SLAMF6: variants seen among roughly 807,000 people sequenced by gnomAD.
The protein encoded by SLAMF6 is SLAM family member 6.
A neutral mutation model predicts 38.3 loss-of-function variants in SLAMF6; 21 were observed. The observed-to-expected ratio is 0.55, with a 90% confidence interval of 0.39 to 0.79. The LOEUF (loss-of-function observed/expected upper bound fraction) is 0.79, where lower values mean the gene tolerates loss of function less well. SLAMF6 is among the 30% of genes least tolerant of loss of function. SLAMF6 has a pLI of 0.00. For synonymous variants in SLAMF6, 152 were observed against 146.3 expected (o/e 1.04, Z -0.28); for missense variants, 341 against 385.3 (o/e 0.89, Z 0.96).
chr1:160,491,615 G>A (rs545112534), intron 2 of SLAMF6, among the ~76,000 whole-genome samples: 56 of 152,312 alleles, frequency 3.7e-4, no homozygotes, highest in African/African-American at 1.3e-3. Context: ...AGCAGAAGAA[G>A]TGGGAAGGGA....
chr1:160,508,502 T>A (rs12023225), intron 1 of SLAMF6, among the ~76,000 whole-genome samples: 3,907 of 152,124 alleles, frequency 0.026, 103 homozygotes, highest in East Asian at 0.11. Context: ...TTATACAGAA[T>A]TTAATTCAAG....
intron 1 of SLAMF6, among the ~76,000 whole-genome samples, chr1:160,506,237 T>A (rs1654182978): frequency 6.6e-6 from 1 of 150,802 alleles, no homozygotes; most frequent in Non-Finnish European, 1.5e-5. Context: ...ACCAGAAAAA[T>A]GAAAACAAGG....
chr1:160,490,830 G>T, intron 3 of SLAMF6, 145 bp from the exon 4 acceptor site: 1 of 1,290,930 alleles, frequency 7.7e-7, no homozygotes, highest in Non-Finnish European at 1.0e-6. Context: ...GGAGTCCTAT[G>T]TGGCAGGCAG....
Position 160,485,145 on chromosome 1 carries a change from G to A in SLAMF6, c.*1562C>T, listed in dbSNP as rs1351237406. 1 of 152,046 alleles carries A rather than the reference G, an allele frequency of 6.6e-6. No individual in the cohort carries two copies. The highest frequency in any genetic ancestry group is 1.9e-4 in the East Asian group (1 of 5,194). 9.4% of individuals were successfully genotyped at this position (152,046 alleles called of 1,614,324 possible). On this transcript the variant is annotated 3_prime_UTR_variant, in exon 8 of 8. Transcript: ENST00000368057. Reference sequence around the variant, plus strand: ...GGCTCACTGGAACCTCCACCTCCTGGGTTCAAGCGATTCTCCTGCCTCAGT... The same window carrying A: ...GGCTCACTGGAACCTCCACCTCCTGAGTTCAAGCGATTCTCCTGCCTCAGT...
At chr1:160,500,088 G>A (rs983628726) in intron 1 of SLAMF6, among the ~76,000 whole-genome samples, 5 of 152,194 alleles carry the variant, frequency 3.3e-5, no homozygotes, top group Admixed American at 1.3e-4. Flanking sequence ...GTGAATAGGA[G>A]GGAGTATAAA....
At chr1:160,519,791 G>C (rs986713659) in intron 1 of SLAMF6, among the ~76,000 whole-genome samples, 4 of 151,922 alleles carry the variant, frequency 2.6e-5, no homozygotes, top group African/African-American at 9.7e-5. Flanking sequence ...AGGGGCTGGG[G>C]GGGAGGGGAG....
In SLAMF6 at chr1:160,489,163, G is replaced by A. The variant is rs377669636; in HGVS notation, c.804C>T (p.Ser268=). ...CTGAAACATACTCTAGGTTCCTTGC[G>A]GACTCTGCTGTTAACATAGGAAGGC... is the stretch of plus-strand genomic sequence containing the variant. ...STQRTQGPAE[S]ARNLEYVSVS... is the part of the protein sequence containing the mutation. Residue 268 remains serine, a synonymous_variant, in exon 6 of 8, where the codon TCC becomes TCT. Coordinates refer to ENST00000368057, the MANE Select transcript of SLAMF6 (RefSeq NM_001184714.2). 3.4e-5 allele frequency: 55 copies of A among 1,613,672 alleles called. No individual in the cohort carries two copies. In the East Asian group the frequency reaches 8.9e-4, roughly 26 times the overall value.
At chr1:160,519,830 G>C (rs1654907618) in intron 1 of SLAMF6, among the ~76,000 whole-genome samples, 1 of 152,076 alleles carries the variant, frequency 6.6e-6, no homozygotes, top group Non-Finnish European at 1.5e-5. Context: ...AGTGGGTACA[G>C]GGTTTCCTTT....
At chr1:160,520,729 A>G (rs1654947562) in intron 1 of SLAMF6, among the ~76,000 whole-genome samples, 1 of 152,188 alleles carries the variant, frequency 6.6e-6, no homozygotes, top group Non-Finnish European at 1.5e-5. Flanking sequence ...AATTTTCTAA[A>G]AGGAGTCAGG....
intron 1 of SLAMF6, among the ~76,000 whole-genome samples, chr1:160,510,929 T>C (rs752499782): frequency 3.9e-5 from 6 of 152,150 alleles, no homozygotes; most frequent in Non-Finnish European, 7.4e-5. Context: ...GTTCTGTTCC[T>C]ACACACTAGC....
intron 1 of SLAMF6, among the ~76,000 whole-genome samples, chr1:160,504,593 TA>T (rs1654083954): frequency 6.6e-6 from 1 of 152,184 alleles, no homozygotes; most frequent in South Asian, 2.1e-4. Flanking sequence ...GGATGCTCCC[TA>T]AAAAACTGAG....
In SLAMF6 at chr1:160,489,189, A is replaced by T; in HGVS notation, c.797-19T>A. The T allele has an allele frequency of 1.2e-6, 2 of 1,613,648 alleles. No individual in the cohort carries two copies. The highest frequency in any genetic ancestry group is 1.7e-6 in the Non-Finnish European group (2 of 1,179,646). On this transcript the variant is annotated intron_variant, in intron 5 of 7. Coordinates refer to ENST00000368057, the MANE Select transcript of SLAMF6 (RefSeq NM_001184714.2). ...GACTCTGCTGTTAACATAGGAAGGC[A>T]CAGTCAATGGCACAAGGACTCTGGG...
chr1:160,486,773 G>C lies in SLAMF6; in HGVS notation c.952-19C>G. On this transcript the variant is annotated intron_variant, in intron 7 of 7. Transcript: ENST00000368057. ...GTTTACTCTGTGGGAAAAAGAGGAA[G>C]ATGAGGTAGGTTAATTGGAACTGGA... The C allele has an allele frequency of 6.2e-7, 1 of 1,613,790 alleles. No homozygotes were observed. Among genetic ancestry groups the C allele is most frequent in the Non-Finnish European group, 8.5e-7 (1 of 1,179,824 alleles).
chr1:160,496,547 A>C (rs1653591998), intron 1 of SLAMF6, among the ~76,000 whole-genome samples, 154 bp from the exon 2 acceptor site: 1 of 152,144 alleles, frequency 6.6e-6, no homozygotes. Flanking sequence ...GATGTTTCTA[A>C]ATGAATAATC....
chr1:160,504,878 A>C (rs1654101438), intron 1 of SLAMF6, among the ~76,000 whole-genome samples: 1 of 152,204 alleles, frequency 6.6e-6, no homozygotes, highest in Non-Finnish European at 1.5e-5. Context: ...GCATACTTAG[A>C]AAAGTTCTGA....
intron 1 of SLAMF6, among the ~76,000 whole-genome samples, chr1:160,515,157 A>T (rs1241911776): frequency 6.6e-6 from 1 of 152,180 alleles, no homozygotes; most frequent in African/African-American, 2.4e-5. Flanking sequence ...AATGGACACA[A>T]TAAAAAATGT....
intron 1 of SLAMF6, among the ~76,000 whole-genome samples, chr1:160,506,284 C>T (rs1654186029): frequency 6.6e-6 from 1 of 151,982 alleles, no homozygotes; most frequent in African/African-American, 2.4e-5. Context: ...AGCAACTAGT[C>T]ATGTACAAGT....
chr1:160,504,069 A>G (rs1654055439), intron 1 of SLAMF6, among the ~76,000 whole-genome samples: 2 of 151,804 alleles, frequency 1.3e-5, no homozygotes, highest in African/African-American at 4.8e-5. Flanking sequence ...AAAGCCAAAT[A>G]CATAGAAACA....
At chr1:160,509,961 G>A (rs551669466) in intron 1 of SLAMF6, among the ~76,000 whole-genome samples, 2 of 152,176 alleles carry the variant, frequency 1.3e-5, no homozygotes, top group African/African-American at 2.4e-5. Context: ...AAAGGATTAA[G>A]AGAACACTAT....
Sources: allele counts gnomAD v4.1 joint callset (sites outside exome capture counted in the v4.1 genomes callset), GRCh38; gene constraint gnomAD v4.1.1; transcripts MANE v1.5; gene names NCBI Gene and HGNC (gene_info 2026-07-23, HGNC 2026-07-21).